Variants in THAP4 observed in about 807,000 individuals in gnomAD.
The protein encoded by THAP4 is peroxynitrite isomerase THAP4.
In THAP4, 18 loss-of-function variants were observed where a neutral mutation model predicts 48.1. The ratio of observed to expected loss-of-function variants is 0.37; its 90% CI spans 0.26 to 0.56. THAP4 has a LOEUF of 0.56. THAP4 is among the 20% of genes least tolerant of loss of function. The pLI is 0.78. For synonymous variants in THAP4, 345 were observed against 324.9 expected, an observed-to-expected ratio of 1.06 and a Z score of -0.66; for missense variants, 656 against 774.9, an observed-to-expected ratio of 0.85 and a Z score of 1.82.
chr2:241,605,624 T>C (rs967864067), intron 3 of THAP4, among the ~76,000 whole-genome samples: 3 of 152,164 alleles, frequency 2.0e-5, no homozygotes, highest in South Asian at 2.1e-4. Flanking sequence ...GAGAACCACA[T>C]ACTAACAGCT....
chr2:241,620,069 A>C (rs2067403536), intron 2 of THAP4, among the ~76,000 whole-genome samples: 3 of 32,664 alleles, frequency 9.2e-5, no homozygotes, highest in African/African-American at 1.2e-4. Context: ...GTGAGGGGTG[A>C]GTGAGTCGTG....
chr2:241,625,578 C>T (rs181235654), intron 2 of THAP4, among the ~76,000 whole-genome samples: 7 of 150,390 alleles, frequency 4.7e-5, no homozygotes, highest in East Asian at 3.9e-4. Flanking sequence ...AGGCAGATCA[C>T]GAGGTCAGGA....
At chr2:241,586,363 G>A (rs7594750) in intron 5 of THAP4, among the ~76,000 whole-genome samples, 53,852 of 151,416 alleles carry the variant, frequency 0.36, 10,127 homozygotes, top group East Asian at 0.6. Flanking sequence ...TGGGAAGTCC[G>A]GTTTCAAACC....
At chr2:241,636,114 G>T (rs1468497440) in intron 1 of THAP4, among the ~76,000 whole-genome samples, 1 of 152,220 alleles carries the variant, frequency 6.6e-6, no homozygotes, top group African/African-American at 2.4e-5. Flanking sequence ...GCTGACTTGT[G>T]AAATAATCTA....
At chr2:241,586,205 C>CA (rs2066894999) in intron 5 of THAP4, among the ~76,000 whole-genome samples, 1 of 144,700 alleles carries the variant, frequency 6.9e-6, no homozygotes, top group Non-Finnish European at 1.5e-5. Context: ...TGCAGTGAGC[C>CA]AAGATCGCGC....
intron 4 of THAP4, 74 bp downstream of exon 4, chr2:241,602,896 C>G: frequency 1.7e-6 from 2 of 1,154,620 alleles, no homozygotes; most frequent in South Asian, 2.5e-5. Flanking sequence ...ACATGGGCAT[C>G]CCTGCACCCC....
chr2:241,624,214 G>A (rs1355425270), intron 2 of THAP4, among the ~76,000 whole-genome samples: 7 of 152,340 alleles, frequency 4.6e-5, no homozygotes, highest in South Asian at 2.1e-4. Flanking sequence ...ATAGCCAGGC[G>A]TGGTGGCTCA....
chr2:241,590,506 C>T (rs2066950740), intron 5 of THAP4, among the ~76,000 whole-genome samples: 1 of 144,724 alleles, frequency 6.9e-6, no homozygotes, highest in Non-Finnish European at 1.5e-5. Context: ...TGATAATGGG[C>T]ACTAGGACAC....
At chr2:241,621,209 G>T (rs570356656) in intron 2 of THAP4, among the ~76,000 whole-genome samples, 1 of 152,054 alleles carries the variant, frequency 6.6e-6, no homozygotes, top group Non-Finnish European at 1.5e-5. Flanking sequence ...TTAGCTGGGC[G>T]TGGTGGCGGG....
rs2067289504 is a variant in THAP4, at chr2:241,612,455, C to G, written c.1241-5982G>C. 2.6e-5 allele frequency among the ~76,000 whole-genome samples: 4 copies of G among 152,152 alleles called. No individual in the cohort carries two copies. The highest frequency in any genetic ancestry group is 9.7e-5 in the African/African-American group (4 of 41,422). On this transcript the variant is annotated intron_variant, in intron 2 of 5. Coordinates refer to ENST00000407315, the MANE Select transcript of THAP4 (RefSeq NM_015963.6). The surrounding 1 kb of genome is among the most constrained non-coding windows in gnomAD (Gnocchi z 4.1). Reference sequence around the variant, plus strand: ...TCCCAGCAGAAATGACACACCTGTCCCCACAGGACGCTGCCCATGAATGTT... The same window carrying G: ...TCCCAGCAGAAATGACACACCTGTCGCCACAGGACGCTGCCCATGAATGTT...
chr2:241,636,870 C>T (rs2067673325), intron 1 of THAP4, 71 bp downstream of exon 1: 3 of 936,990 alleles, frequency 3.2e-6, no homozygotes, highest in South Asian at 8.3e-5. Context: ...GCGTTCGGGC[C>T]GGCCGCGGGG....
At chr2:241,586,162 C>CAGGA (rs939229456) in intron 5 of THAP4, among the ~76,000 whole-genome samples, 8 of 147,866 alleles carry the variant, frequency 5.4e-5, no homozygotes, top group Admixed American at 4.9e-4. Context: ...GAGGCTGAGG[C>CAGGA]AGGAGAATGG....
intron 2 of THAP4, among the ~76,000 whole-genome samples, chr2:241,626,595 GCT>G (rs2067498339): frequency 1.3e-5 from 2 of 150,392 alleles, no homozygotes; most frequent in Non-Finnish European, 3.0e-5. Flanking sequence ...ACGGAGTCTC[GCT>G]CTGTCACCCA....
intron 2 of THAP4, among the ~76,000 whole-genome samples, chr2:241,620,558 GGAGT>G (rs1179858959): frequency 4.2e-5 from 6 of 144,298 alleles, no homozygotes; most frequent in Non-Finnish European, 3.0e-5. Context: ...GAGTGAGTCA[GGAGT>G]GAGTGAGTCG....
At chr2:241,624,226 G>A (rs1270000148) in intron 2 of THAP4, among the ~76,000 whole-genome samples, 3 of 152,218 alleles carry the variant, frequency 2.0e-5, no homozygotes, top group Admixed American at 6.5e-5. Flanking sequence ...GGTGGCTCAC[G>A]CCTATAATCC....
intron 2 of THAP4, among the ~76,000 whole-genome samples, chr2:241,626,947 A>G (rs1397870941): frequency 1.3e-5 from 2 of 151,196 alleles, no homozygotes; most frequent in Non-Finnish European, 2.9e-5. Context: ...ATCCACACAC[A>G]TGTCCCTAGT....
At chr2:241,627,967 C>A (rs1368872479) in intron 2 of THAP4, among the ~76,000 whole-genome samples, 3 of 152,108 alleles carry the variant, frequency 2.0e-5, no homozygotes, top group Admixed American at 2.0e-4. Flanking sequence ...CCTCTGGCTC[C>A]TGTCTACTTG....
At chr2:241,636,775 G>A (rs537420678) in intron 1 of THAP4, among the ~76,000 whole-genome samples, 166 bp downstream of exon 1, 2 of 149,844 alleles carry the variant, frequency 1.3e-5, no homozygotes, top group East Asian at 3.9e-4. Flanking sequence ...GCCCGGCCCA[G>A]AGACGGCGGC....
intron 1 of THAP4, among the ~76,000 whole-genome samples, chr2:241,636,560 G>T (rs931861087): frequency 1.3e-5 from 2 of 152,264 alleles, no homozygotes; most frequent in Non-Finnish European, 1.5e-5. Context: ...CGCAGGTCGC[G>T]TCTGCCCGGT....
Sources: gnomAD v4.1 joint callset for allele counts (sites outside exome capture counted in the v4.1 genomes callset) on GRCh38, gnomAD v4.1.1 for gene constraint, Gnocchi (gnomAD v3.1) non-coding constraint, MANE v1.5 for transcripts, NCBI Gene and HGNC (gene_info 2026-07-23, HGNC 2026-07-21) for gene names.